CTNNA2: variants seen among roughly 807,000 people sequenced by gnomAD.
The protein encoded by CTNNA2 is catenin alpha 2, also known as catenin alpha-2.
In CTNNA2, 42 loss-of-function variants were observed where a neutral mutation model predicts 101.0. The ratio of observed to expected loss-of-function variants is 0.42; its 90% CI spans 0.32 to 0.54. CTNNA2 has a LOEUF of 0.54. CTNNA2 is among the 20% of genes least tolerant of loss of function. CTNNA2 has a pLI of 0.14. For missense variants in CTNNA2, 871 were observed against 1,223.1 expected (o/e 0.71, Z 4.29); for synonymous variants, 450 against 456.4 (o/e 0.99, Z 0.18).
chr2:80,521,720 G>A (rs1403188046), intron 9 of CTNNA2, among the ~76,000 whole-genome samples: 3 of 152,084 alleles, frequency 2.0e-5, no homozygotes, highest in Admixed American at 2.0e-4. Context: ...TGGAGCCTCC[G>A]GAAAAGAATA....
chr2:80,571,479 A>T (rs1694590183), intron 12 of CTNNA2, among the ~76,000 whole-genome samples: 1 of 152,200 alleles, frequency 6.6e-6, no homozygotes, highest in African/African-American at 2.4e-5. Context: ...AAGACTAATA[A>T]AACAAATGTC....
intron 8 of CTNNA2, among the ~76,000 whole-genome samples, chr2:80,394,281 T>G (rs1677796857): frequency 6.6e-6 from 1 of 152,184 alleles, no homozygotes; most frequent in African/African-American, 2.4e-5. Flanking sequence ...TTGGAAATGA[T>G]TTGAATGAGA....
chr2:80,034,851 TAGA>T (rs749287881), intron 7 of CTNNA2, among the ~76,000 whole-genome samples: 4 of 152,174 alleles, frequency 2.6e-5, no homozygotes, highest in African/African-American at 9.6e-5. Context: ...ACAACTCCTG[TAGA>T]AGAAGTCTGT....
chr2:79,484,495 AAATTT>A (rs763302972), intron 4 of CTNNA2, among the ~76,000 whole-genome samples: 5 of 151,986 alleles, frequency 3.3e-5, no homozygotes, highest in Non-Finnish European at 5.9e-5. Flanking sequence ...AATTAGGTAA[AAATTT>A]AATTTAATTT....
chr2:79,745,410 G>A (rs933092518), intron 3 of CTNNA2, among the ~76,000 whole-genome samples: 5 of 151,452 alleles, frequency 3.3e-5, no homozygotes, highest in Non-Finnish European at 5.9e-5. Context: ...CAGCCTGGGT[G>A]ACAGAGTGAG....
intron 4 of CTNNA2, among the ~76,000 whole-genome samples, chr2:79,389,243 T>G (rs1305477715): frequency 6.6e-6 from 1 of 152,182 alleles, no homozygotes; most frequent in Non-Finnish European, 1.5e-5. Context: ...TCCAATTGGA[T>G]ATACTAATTT....
At chr2:80,042,899 G>T (rs1283406174) in intron 7 of CTNNA2, among the ~76,000 whole-genome samples, 1 of 152,072 alleles carries the variant, frequency 6.6e-6, no homozygotes, top group Non-Finnish European at 1.5e-5. Flanking sequence ...TTTGAGACTG[G>T]GGTTGAGACT....
intron 3 of CTNNA2, among the ~76,000 whole-genome samples, chr2:79,328,554 A>C (rs1344017891): frequency 1.3e-5 from 2 of 152,170 alleles, no homozygotes; most frequent in African/African-American, 2.4e-5. Flanking sequence ...AGGAGGTATT[A>C]AGGGCTGGTA....
At chr2:80,372,580 C>T (rs1228514888) in intron 7 of CTNNA2, among the ~76,000 whole-genome samples, 1 of 151,642 alleles carries the variant, frequency 6.6e-6, no homozygotes, top group Non-Finnish European at 1.5e-5. Flanking sequence ...ATGAGTATGT[C>T]ATAAGAATTA....
At chr2:80,037,680 A>G (rs887412748) in intron 7 of CTNNA2, among the ~76,000 whole-genome samples, 8 of 152,194 alleles carry the variant, frequency 5.3e-5, no homozygotes, top group African/African-American at 1.7e-4. Flanking sequence ...GAGATAGTGT[A>G]TATACAAAAA....
At chr2:79,907,821 C>G (rs887795702) in intron 6 of CTNNA2, among the ~76,000 whole-genome samples, 1 of 152,194 alleles carries the variant, frequency 6.6e-6, no homozygotes, top group African/African-American at 2.4e-5. Flanking sequence ...TAGTGATTTT[C>G]TAAAAAATCC....
intron 4 of CTNNA2, chr2:79,498,225 T>A (rs1671279905): frequency 6.6e-6 from 1 of 152,220 alleles, no homozygotes; most frequent in South Asian, 2.1e-4. Context: ...GATGGATCTC[T>A]GTCTATTTTC....
At chr2:80,210,774 C>T (rs189436536) in intron 7 of CTNNA2, among the ~76,000 whole-genome samples, 7 of 152,278 alleles carry the variant, frequency 4.6e-5, no homozygotes, top group Admixed American at 6.5e-5. Flanking sequence ...AGTTCTAGAT[C>T]GTTGAGGAAT....
chr2:80,257,990 C>T (rs537799312), intron 7 of CTNNA2, among the ~76,000 whole-genome samples: 11 of 152,160 alleles, frequency 7.2e-5, no homozygotes, highest in Admixed American at 2.0e-4. Flanking sequence ...TTGCACACTG[C>T]GCAAAGTAAG....
intron 2 of CTNNA2, among the ~76,000 whole-genome samples, chr2:79,202,119 A>G (rs953130333): frequency 2.0e-5 from 3 of 152,316 alleles, no homozygotes; most frequent in Admixed American, 6.5e-5. Flanking sequence ...GCATTTTTAC[A>G]TAAATGATTA....
At chr2:80,574,395 A>G (rs1694864994) in intron 13 of CTNNA2, 81 bp downstream of exon 13, 1 of 1,416,116 alleles carries the variant, frequency 7.1e-7, no homozygotes. Context: ...TTTATTATTT[A>G]TTTTGTAATT....
intron 2 of CTNNA2, among the ~76,000 whole-genome samples, chr2:79,303,085 ATTG>A (rs1676151088): frequency 6.6e-6 from 1 of 152,154 alleles, no homozygotes; most frequent in African/African-American, 2.4e-5. Context: ...GGAGACAGGC[ATTG>A]TTGTTATTAT....
At chr2:79,907,296 A>G (rs1380957942) in intron 6 of CTNNA2, among the ~76,000 whole-genome samples, 1 of 151,986 alleles carries the variant, frequency 6.6e-6, no homozygotes, top group Non-Finnish European at 1.5e-5. Context: ...CAATTAGAAT[A>G]TTATTTCTTA....
At chr2:79,540,552 C>T (rs1673344212) in intron 1 of CTNNA2, among the ~76,000 whole-genome samples, 1 of 152,264 alleles carries the variant, frequency 6.6e-6, no homozygotes, top group African/African-American at 2.4e-5. Flanking sequence ...TTCCTGTAAT[C>T]GTTTACATTA....
Sources: allele counts gnomAD v4.1 joint callset (sites outside exome capture counted in the v4.1 genomes callset), GRCh38; gene constraint gnomAD v4.1.1; transcripts MANE v1.5; gene names NCBI Gene and HGNC (gene_info 2026-07-23, HGNC 2026-07-21).